TFDP2: variants seen among roughly 807,000 people sequenced by gnomAD.
TFDP2 encodes transcription factor Dp-2.
In TFDP2, 17 loss-of-function variants were observed where a neutral mutation model predicts 59.3. That is an observed-to-expected ratio of 0.29 (90% CI 0.20 to 0.43). The LOEUF (loss-of-function observed/expected upper bound fraction) is 0.43, where lower values mean the gene tolerates loss of function less well. Among genes scored for constraint, TFDP2 ranks in the 20% least tolerant of loss-of-function variants. TFDP2 has a pLI of 1.00. For missense variants in TFDP2, 391 were observed against 528.8 expected (o/e 0.74, Z 2.56); for synonymous variants, 180 against 194.7 (o/e 0.92, Z 0.63).
intron 5 of TFDP2, chr3:141,994,360 C>T (rs1433555207): frequency 6.6e-6 from 1 of 152,050 alleles, no homozygotes; most frequent in Admixed American, 6.6e-5. Context: ...TAAATAACTT[C>T]TAAAGTAACA....
chr3:142,045,600 G>C (rs192396630), intron 3 of TFDP2, among the ~76,000 whole-genome samples: 261 of 140,662 alleles, frequency 1.9e-3, no homozygotes, highest in Non-Finnish European at 2.7e-3. Flanking sequence ...TGTCCACCTA[G>C]GTATTATTTG....
At chr3:141,972,637 T>C (rs1432128732) in intron 8 of TFDP2, among the ~76,000 whole-genome samples, 2 of 152,196 alleles carry the variant, frequency 1.3e-5, no homozygotes, top group African/African-American at 4.8e-5. Context: ...GCCTGAGCTC[T>C]GGGATTATCT....
At chr3:142,098,957 G>A (rs540839615) in intron 2 of TFDP2, among the ~76,000 whole-genome samples, 1 of 152,214 alleles carries the variant, frequency 6.6e-6, no homozygotes, top group South Asian at 2.1e-4. Context: ...GTTTTGATAG[G>A]GTTTCGATCA....
intron 3 of TFDP2, among the ~76,000 whole-genome samples, chr3:142,055,853 A>G (rs767763028): frequency 1.3e-5 from 2 of 152,010 alleles, no homozygotes; most frequent in African/African-American, 4.8e-5. Flanking sequence ...CATGATGACA[A>G]TCAAGAAAAG....
At chr3:141,977,889 T>G (rs1054021981) in intron 7 of TFDP2, among the ~76,000 whole-genome samples, 1 of 151,640 alleles carries the variant, frequency 6.6e-6, no homozygotes, top group African/African-American at 2.4e-5. Flanking sequence ...TTTTTGTATT[T>G]TTAGTAGAGA....
intron 9 of TFDP2, among the ~76,000 whole-genome samples, chr3:141,968,427 TATATAGATATATATAA>T (rs1938603659): frequency 1.4e-5 from 1 of 74,016 alleles, no homozygotes; most frequent in African/African-American, 5.1e-5. Context: ...ATATATCTCA[TATATAGATATATATAA>T]CATATATATC....
chr3:141,970,974 C>A (rs1007906792), intron 8 of TFDP2, among the ~76,000 whole-genome samples: 1 of 151,720 alleles, frequency 6.6e-6, no homozygotes, highest in Non-Finnish European at 1.5e-5. Flanking sequence ...ACGAGAATTG[C>A]TTGAACTTGG....
At chr3:142,005,899 G>C (rs753207862) in intron 3 of TFDP2, among the ~76,000 whole-genome samples, 2 of 151,526 alleles carry the variant, frequency 1.3e-5, no homozygotes, top group Non-Finnish European at 2.9e-5. Flanking sequence ...AATTGAGAAA[G>C]AGATCTTTAA....
intron 2 of TFDP2, among the ~76,000 whole-genome samples, chr3:142,098,197 A>G (rs1388610814): frequency 6.7e-6 from 1 of 149,892 alleles, no homozygotes; most frequent in Non-Finnish European, 1.5e-5. Flanking sequence ...TCTTTTCTTT[A>G]TCTGTATTTT....
chr3:142,087,603 T>C (rs2060843702), intron 3 of TFDP2, among the ~76,000 whole-genome samples: 1 of 151,788 alleles, frequency 6.6e-6, no homozygotes, highest in Non-Finnish European at 1.5e-5. Context: ...CAGGCTCAAG[T>C]GATCCTCCTG....
chr3:141,986,307 G>C lies in TFDP2; in HGVS notation c.356+7231C>G, dbSNP rs538254628. ...TTCATTGACGTACATAACACATAAAGAAAAGTACGCAAACCAACTGTGTTA... is the reference window on the plus strand; with the variant it reads ...TTCATTGACGTACATAACACATAAACAAAAGTACGCAAACCAACTGTGTTA... On this transcript the variant is annotated intron_variant, in intron 6 of 12. Transcript: ENST00000489671. 2.6e-5 allele frequency among the ~76,000 whole-genome samples: 4 copies of C among 152,280 alleles called. No individual in the cohort carries two copies. The East Asian group carries it at 7.7e-4, about 29-fold the overall frequency.
intron 1 of TFDP2, among the ~76,000 whole-genome samples, chr3:142,110,285 C>T (rs1284393521): frequency 6.6e-6 from 1 of 152,104 alleles, no homozygotes; most frequent in Non-Finnish European, 1.5e-5. Flanking sequence ...AGGCAGATCA[C>T]CTGAGGTCAG....
At chr3:142,123,107 G>A (rs568464135) in intron 1 of TFDP2, among the ~76,000 whole-genome samples, 18 of 152,030 alleles carry the variant, frequency 1.2e-4, no homozygotes, top group African/African-American at 2.9e-4. Context: ...AATTACAGGC[G>A]CGCACCACTA....
intron 3 of TFDP2, among the ~76,000 whole-genome samples, chr3:142,042,981 A>T (rs1348136321): frequency 6.6e-6 from 1 of 151,516 alleles, no homozygotes; most frequent in African/African-American, 2.4e-5. Context: ...ACCTCAGGTG[A>T]TCTGCCCGCC....
At chr3:142,012,292 G>GT (rs777155169) in intron 3 of TFDP2, among the ~76,000 whole-genome samples, 26 of 152,136 alleles carry the variant, frequency 1.7e-4, no homozygotes, top group Admixed American at 1.3e-4. Flanking sequence ...GATCATAGGC[G>GT]TGAGCCACCA....
At chr3:141,967,295 GTTTTTTT>G (rs918604530) in intron 9 of TFDP2, among the ~76,000 whole-genome samples, 10 of 136,360 alleles carry the variant, frequency 7.3e-5, no homozygotes, top group African/African-American at 2.4e-4. Flanking sequence ...TAAGTTTTTT[GTTTTTTT>G]TTTTTTTGAG....
intron 3 of TFDP2, among the ~76,000 whole-genome samples, chr3:142,021,135 A>G (rs1375898212): frequency 6.6e-6 from 1 of 152,248 alleles, no homozygotes; most frequent in Non-Finnish European, 1.5e-5. Context: ...GTTAATCACT[A>G]TTACAAAACT....
intron 3 of TFDP2, among the ~76,000 whole-genome samples, chr3:142,030,773 C>G (rs939582965): frequency 7.9e-6 from 1 of 126,538 alleles, no homozygotes; most frequent in African/African-American, 3.1e-5. Context: ...GACGGAGTCT[C>G]GCTCTGTCGC....
chr3:142,095,424 G>T (rs375310462), intron 2 of TFDP2, among the ~76,000 whole-genome samples: 3 of 152,326 alleles, frequency 2.0e-5, no homozygotes, highest in African/African-American at 4.8e-5. Flanking sequence ...TTTCTGTCAA[G>T]AAGTATGTTA....
Sources: gnomAD v4.1 joint callset for allele counts (sites outside exome capture counted in the v4.1 genomes callset) on GRCh38, gnomAD v4.1.1 for gene constraint, MANE v1.5 for transcripts, NCBI Gene and HGNC (gene_info 2026-07-23, HGNC 2026-07-21) for gene names.